The following MED14 variants were observed in gnomAD, a reference collection of about 807,000 sequenced individuals.
MED14 encodes mediator of RNA polymerase II transcription subunit 14.
In MED14, 8 loss-of-function variants were observed where a neutral mutation model predicts 109.0. The ratio of observed to expected loss-of-function variants is 0.07; its 90% confidence interval spans 0.04 to 0.13. MED14 has a LOEUF of 0.13. Ranked by LOEUF, MED14 falls within the 10% of genes least tolerant of loss-of-function variation. The pLI, the probability that MED14 is intolerant of heterozygous loss-of-function variation, is 1.00. For missense variants in MED14, 711 were observed against 1,142.4 expected (o/e 0.62, Z 5.44); for synonymous variants, 399 against 408.7 (o/e 0.98, Z 0.29).
At chrX:40,730,419 C>A (rs752384057) in intron 1 of MED14, among the ~76,000 whole-genome samples, 9 of 111,537 alleles carry the variant, frequency 8.1e-5, no homozygotes, top group Non-Finnish European at 1.5e-4. Flanking sequence ...ACAAGCCAAA[C>A]CTCTTGAGAA....
chrX:40,718,669 A>G (rs771467856), intron 3 of MED14, among the ~76,000 whole-genome samples: 13 of 110,868 alleles, frequency 1.2e-4, no homozygotes, highest in Non-Finnish European at 2.3e-4. Context: ...CCCCATCTCT[A>G]TAAAAACTTT....
chrX:40,706,490 G>C (rs1345317333), intron 10 of MED14, among the ~76,000 whole-genome samples: 2 of 111,328 alleles, frequency 1.8e-5, no homozygotes, highest in Admixed American at 9.5e-5. Context: ...ATTCCTACTA[G>C]AGTTTAAGAT....
intron 21 of MED14, 93 bp from the exon 22 acceptor site, chrX:40,675,454 G>T: frequency 1.5e-6 from 1 of 663,801 alleles, no homozygotes; most frequent in Non-Finnish European, 2.1e-6. Flanking sequence ...CAGAAACACA[G>T]TATGTTGATC....
chrX:40,684,994 T>C (rs1930246675), intron 16 of MED14, among the ~76,000 whole-genome samples: 1 of 111,695 alleles, frequency 9.0e-6, no homozygotes, highest in South Asian at 3.7e-4. Flanking sequence ...CCCAGCATGA[T>C]CATGTGAGGG....
Position 40,650,186 on chromosome X carries a change from A to T in MED14, c.*1620T>A, listed in dbSNP as rs1928811925. On this transcript the variant is annotated 3_prime_UTR_variant, in exon 31 of 31. Transcript: ENST00000324817. ...TAAAAACAGAAGGATAAAAAGATTA[A>T]GTTAAAGGAAGGATAAAAGTTTAGT... 2 of 752,688 alleles carry T rather than the reference A, an allele frequency of 2.7e-6. No homozygotes were observed. The highest frequency in any genetic ancestry group is 4.6e-5 in the African/African-American group (2 of 43,365). 62.0% of individuals were successfully genotyped at this position (752,688 alleles called of 1,213,427 possible). A position where few individuals can be genotyped will look rare whatever the true frequency, so the allele number is the denominator to read the frequency against.
chrX:40,663,210 A>T, intron 25 of MED14, 50 bp from the exon 26 acceptor site: 1 of 940,487 alleles, frequency 1.1e-6, no homozygotes, highest in Non-Finnish European at 1.5e-6. Flanking sequence ...ATACTATCTC[A>T]TTGCTTCCTG....
chrX:40,654,585 A>G, intron 29 of MED14, 29 bp from the exon 30 acceptor site: 1 of 1,168,202 alleles, frequency 8.6e-7, no homozygotes, highest in Non-Finnish European at 1.2e-6. Flanking sequence ...CACAAAGAGA[A>G]TAAAAACATC....
rs1182176975 is a variant in MED14 at position 40,664,289 on chromosome X, A to C, written c.3448+18T>G. Reference sequence around the variant, plus strand: ...GGGTTATACTAAAAAAGAACATAAAAATGTTGATGATACTTACTTGTTCCA... The same window carrying C: ...GGGTTATACTAAAAAAGAACATAAACATGTTGATGATACTTACTTGTTCCA... On this transcript the variant is annotated intron_variant, in intron 25 of 30. Transcript: ENST00000324817. The C allele has an allele frequency of 1.7e-6, 2 of 1,186,924 alleles. No individual in the cohort carries two copies. The highest frequency in any genetic ancestry group is 1.9e-5 in the South Asian group (1 of 53,155).
intron 3 of MED14, among the ~76,000 whole-genome samples, chrX:40,718,824 GT>G (rs1931626252): frequency 9.0e-6 from 1 of 111,454 alleles, no homozygotes; most frequent in South Asian, 3.8e-4. Context: ...GGGTGACAGA[GT>G]GAGACTTCAT....
At chrX:40,711,807 T>A (rs1402695200) in intron 7 of MED14, among the ~76,000 whole-genome samples, 3 of 107,599 alleles carry the variant, frequency 2.8e-5, no homozygotes, top group Non-Finnish European at 5.8e-5. Flanking sequence ...TTTTTTGGAT[T>A]TTTAGTAGAG....
At chrX:40,726,212 C>A (rs921271821) in intron 3 of MED14, among the ~76,000 whole-genome samples, 3 of 110,940 alleles carry the variant, frequency 2.7e-5, no homozygotes, top group African/African-American at 9.8e-5. Flanking sequence ...AGGGACTATT[C>A]CTTATTGAAG....
chrX:40,672,672 AC>A lies in MED14; in HGVS notation c.3022-701del, dbSNP rs745614051. Among the ~76,000 whole-genome samples the A allele has an allele frequency of 2.7e-5, 3 of 111,395 alleles. No homozygotes were observed. In the East Asian group the frequency reaches 8.4e-4, roughly 31 times the overall value. On this transcript the variant is annotated intron_variant, in intron 22 of 30. Transcript: ENST00000324817. ...CTGTGATGGCAAATAATGTTTGAAT[AC>A]CTTTTCGGTGCTTATTGGCCACTTG... is the stretch of plus-strand genomic sequence containing the variant.
chrX:40,733,328 G>A (rs1396890089), intron 1 of MED14, among the ~76,000 whole-genome samples: 3 of 110,411 alleles, frequency 2.7e-5, no homozygotes, highest in Non-Finnish European at 5.7e-5. Flanking sequence ...CGAACTCCTG[G>A]GCTCAAGTGA....
chrX:40,696,986 A>C (rs1930747124), intron 13 of MED14, 38 bp downstream of exon 13: 1 of 1,075,703 alleles, frequency 9.3e-7, no homozygotes, highest in African/African-American at 1.9e-5. Flanking sequence ...CAGAATTACT[A>C]AACTTGATCA....
At chrX:40,664,160 A>C in intron 25 of MED14, 147 bp downstream of exon 25, 1 of 486,619 alleles carries the variant, frequency 2.1e-6, no homozygotes, top group Non-Finnish European at 3.3e-6. Context: ...CACTCCCCTT[A>C]TGCATCTCTT....
chrX:40,714,419 C>G, intron 4 of MED14, 118 bp downstream of exon 4: 1 of 784,218 alleles, frequency 1.3e-6, no homozygotes, highest in Non-Finnish European at 1.7e-6. Context: ...AGAAAAAAAG[C>G]AAACTATATG....
intron 4 of MED14, among the ~76,000 whole-genome samples, chrX:40,714,180 T>C (rs1404748900): frequency 1.8e-5 from 2 of 112,003 alleles, no homozygotes; most frequent in Non-Finnish European, 3.8e-5. Flanking sequence ...CACAAGTTCT[T>C]ACAAGTATAA....
rs1317990705 is a variant in MED14, at chrX:40,651,770, C to T, written c.*36G>A. On this transcript the variant is annotated 3_prime_UTR_variant, in exon 31 of 31. Coordinates refer to ENST00000324817, the MANE Select transcript of MED14 (RefSeq NM_004229.4). Reference sequence around the variant, plus strand: ...TGAATTCAGATTTTTTTTGTTGTCTCATCTGTCAGCCTTCCTGGTTTAAAA... The same window carrying T: ...TGAATTCAGATTTTTTTTGTTGTCTTATCTGTCAGCCTTCCTGGTTTAAAA... The T allele has an allele frequency of 8.8e-7, 1 of 1,141,305 alleles. No homozygotes were observed. Among genetic ancestry groups the T allele is most frequent in the Admixed American group, 3.1e-5 (1 of 32,371 alleles). The allele number at this position is 1,141,305 out of a possible 1,213,427, so 94.1% of individuals were successfully genotyped here. A position where few individuals can be genotyped will look rare whatever the true frequency, so the allele number is the denominator to read the frequency against.
intron 3 of MED14, among the ~76,000 whole-genome samples, chrX:40,721,010 C>T (rs1225681727): frequency 2.7e-5 from 3 of 111,169 alleles, no homozygotes; most frequent in Non-Finnish European, 3.8e-5. Context: ...AGGTAGTATG[C>T]CGTGGACCTT....
Sources: allele counts gnomAD v4.1 joint callset (sites outside exome capture counted in the v4.1 genomes callset), GRCh38; gene constraint gnomAD v4.1.1; transcripts MANE v1.5; gene names NCBI Gene and HGNC (gene_info 2026-07-23, HGNC 2026-07-21).